Variants in ANP32A observed in about 807,000 individuals in gnomAD.
ANP32A encodes the protein acidic leucine-rich nuclear phosphoprotein 32 family member A.
Under a neutral mutation model 33.9 loss-of-function variants are expected in ANP32A, and 1 was observed. That is an observed-to-expected ratio of 0.03 (90% CI 0.01 to 0.14). The LOEUF (loss-of-function observed/expected upper bound fraction) is 0.14. Among genes scored for constraint, ANP32A ranks in the 10% least tolerant of loss-of-function variants. The pLI, the probability that ANP32A is intolerant of heterozygous loss-of-function variation, is 1.00. For missense variants in ANP32A, 155 were observed against 306.0 expected (o/e 0.51, Z 3.68); for synonymous variants, 115 against 120.5 (o/e 0.95, Z 0.30).
chr15:68,818,467 C>T (rs1894420411), intron 1 of ANP32A: 1 of 153,984 alleles, frequency 6.5e-6, no homozygotes. Context: ...CTCCCCCTCC[C>T]CCGCAAATGT....
chr15:68,818,554 CTGGGAGGCGAGGG>C (rs1439179625), intron 1 of ANP32A, among the ~76,000 whole-genome samples: 2 of 152,028 alleles, frequency 1.3e-5, no homozygotes, highest in Non-Finnish European at 2.9e-5. Flanking sequence ...GGCCGCGAGG[CTGGGAGGCGAGGG>C]GGCGAAGCGT....
intron 3 of ANP32A, among the ~76,000 whole-genome samples, 169 bp from the exon 4 acceptor site, chr15:68,784,764 A>G (rs937575048): frequency 6.6e-6 from 1 of 152,156 alleles, no homozygotes; most frequent in African/African-American, 2.4e-5. Context: ...TTGCCCAGAC[A>G]TATCACCTGC....
At position 68,802,191 on chromosome 15, in the gene ANP32A, T is replaced by C. The variant is rs1473139694; in HGVS notation, c.55-14272A>G. Among the ~76,000 whole-genome samples, 3 of 152,170 alleles carry C rather than the reference T, an allele frequency of 2.0e-5. No homozygotes were observed. In the East Asian group the frequency reaches 5.8e-4, roughly 29 times the overall value. ...TCAATTTTTTGACTAACACATTCAT[T>C]CTCATGGTTTTAAAACCAAAATATA... On this transcript the variant is annotated intron_variant, in intron 1 of 6. Coordinates refer to ENST00000465139, the MANE Select transcript of ANP32A (RefSeq NM_006305.4).
At chr15:68,800,220 T>G (rs1250821364) in intron 1 of ANP32A, among the ~76,000 whole-genome samples, 1 of 152,174 alleles carries the variant, frequency 6.6e-6, no homozygotes, top group Non-Finnish European at 1.5e-5. Flanking sequence ...TTCTTTCTTC[T>G]TAAGCATTAC....
chr15:68,787,690 T>C (rs767995846), intron 2 of ANP32A, 80 bp downstream of exon 2: 29 of 1,598,688 alleles, frequency 1.8e-5, no homozygotes, highest in Non-Finnish European at 2.3e-5. Flanking sequence ...TCCCTTCAAT[T>C]ACTCTTTCTA....
At chr15:68,820,658 G>A in intron 1 of ANP32A, 40 bp downstream of exon 1, 1 of 1,562,552 alleles carries the variant, frequency 6.4e-7, no homozygotes, top group South Asian at 1.1e-5. Context: ...ACACAAAGTA[G>A]GAGAATGGAC....
At chr15:68,820,097 C>T (rs1463428195) in intron 1 of ANP32A, among the ~76,000 whole-genome samples, 1 of 152,118 alleles carries the variant, frequency 6.6e-6, no homozygotes, top group Non-Finnish European at 1.5e-5. Flanking sequence ...CGCTGCAGCC[C>T]CCTCCCCACG....
At chr15:68,807,943 G>A (rs1384372589) in intron 1 of ANP32A, among the ~76,000 whole-genome samples, 1 of 152,190 alleles carries the variant, frequency 6.6e-6, no homozygotes, top group African/African-American at 2.4e-5. Context: ...ACTCCCAGGA[G>A]CAGCATCCTG....
Position 68,798,802 on chromosome 15 carries a change from G to A in ANP32A, c.55-10883C>T, listed in dbSNP as rs1894094283. On this transcript the variant is annotated intron_variant, in intron 1 of 6. Transcript: ENST00000465139. ...GCAGGGAAAGCTAAATGGCCTCACA[G>A]AAGAAACCTCGACCTTGGCCTCCTT... Among the ~76,000 whole-genome samples, 4 of 152,234 alleles carry A rather than the reference G, an allele frequency of 2.6e-5. No homozygotes were observed. The South Asian group carries it at 8.3e-4, about 32-fold the overall frequency.
intron 1 of ANP32A, among the ~76,000 whole-genome samples, chr15:68,793,242 G>A (rs1184189056): frequency 6.6e-6 from 1 of 152,212 alleles, no homozygotes; most frequent in Non-Finnish European, 1.5e-5. Context: ...ATTAGGTGCT[G>A]GGAATATAGA....
Position 68,780,005 on chromosome 15 carries a change from G to A in ANP32A, c.*76C>T, listed in dbSNP as rs879153320. ...AAAATAAGTTTCAGGGGGCAGGATT[G>A]GAGGGGGGGGGGAGAGGGGATATGG... is the stretch of plus-strand genomic sequence containing the variant. On this transcript the variant is annotated 3_prime_UTR_variant, in exon 7 of 7. Transcript: ENST00000465139. This position sits in a 1 kb window ranked among gnomAD's most constrained non-coding sequence, Gnocchi z 4.3. 3.5e-4 allele frequency: 478 copies of A among 1,354,956 alleles called. No individual in the cohort carries two copies. Among genetic ancestry groups the A allele is most frequent in the Non-Finnish European group, 4.5e-4 (437 of 975,920 alleles). 83.9% of individuals were successfully genotyped at this position (1,354,956 alleles called of 1,614,324 possible).
chr15:68,783,172 C>G, intron 4 of ANP32A, 119 bp from the exon 5 acceptor site: 4 of 1,456,358 alleles, frequency 2.7e-6, no homozygotes, highest in Non-Finnish European at 3.7e-6. Flanking sequence ...CCACACCCAC[C>G]TAAGTCCAAA....
Position 68,783,004 on chromosome 15 carries a change from C to G in ANP32A, c.576G>C (p.Glu192Asp). Residue 192 changes from glutamate to aspartate, a missense_variant, in exon 5 of 7, where the codon GAG (glutamate) becomes GAC (aspartate). By Grantham distance (45) the Glu-to-Asp change is conservative. Coordinates refer to ENST00000465139, the MANE Select transcript of ANP32A (RefSeq NM_006305.4). ...CCTCTTCACCTTCCTCCTCCTCATC[C>G]TCGTCCTCCTCGTCTTCCACTACCT... is the stretch of plus-strand genomic sequence containing the variant. ...DAQVVEDEED[E>D]DEEEEGEEED... 1.9e-6 allele frequency: 3 copies of G among 1,551,646 alleles called. No homozygotes were observed. The highest frequency in any genetic ancestry group is 2.6e-6 in the Non-Finnish European group (3 of 1,146,696).
intron 1 of ANP32A, among the ~76,000 whole-genome samples, chr15:68,818,639 G>T (rs1024236601): frequency 3.3e-5 from 5 of 151,480 alleles, no homozygotes; most frequent in African/African-American, 4.9e-5. Flanking sequence ...CACACTCGTG[G>T]AAGTTTAAAG....
At chr15:68,815,679 G>A (rs1894371264) in intron 1 of ANP32A, among the ~76,000 whole-genome samples, 1 of 152,162 alleles carries the variant, frequency 6.6e-6, no homozygotes, top group Admixed American at 6.6e-5. Context: ...AATGGGCCAT[G>A]GACCCAATGG....
intron 1 of ANP32A, among the ~76,000 whole-genome samples, chr15:68,819,179 T>C (rs967523098): frequency 2.0e-5 from 3 of 151,980 alleles, no homozygotes; most frequent in Non-Finnish European, 4.4e-5. Context: ...CAGCGCACGG[T>C]GCTGCCCAAA....
intron 4 of ANP32A, 89 bp downstream of exon 4, chr15:68,784,308 A>G: frequency 6.9e-7 from 1 of 1,455,654 alleles, no homozygotes; most frequent in Non-Finnish European, 9.4e-7. Flanking sequence ...GCCTCCCAAC[A>G]CCCAGCCCAC....
chr15:68,807,433 G>GA (rs200285341), intron 1 of ANP32A, among the ~76,000 whole-genome samples: 2 of 147,476 alleles, frequency 1.4e-5, no homozygotes, highest in South Asian at 2.1e-4. Context: ...AAAACGGGGG[G>GA]GGGGGAGTCT....
chr15:68,818,224 C>A, intron 1 of ANP32A: 1 of 236,124 alleles, frequency 4.2e-6, no homozygotes, highest in Admixed American at 5.0e-5. Flanking sequence ...GCGGGGCGTG[C>A]GGCGCGAGCC....
Sources: allele counts gnomAD v4.1 joint callset (sites outside exome capture counted in the v4.1 genomes callset), GRCh38; gene constraint gnomAD v4.1.1; non-coding constraint Gnocchi (gnomAD v3.1); transcripts MANE v1.5; gene names NCBI Gene and HGNC (gene_info 2026-07-23, HGNC 2026-07-21).